CTNNA2: variants seen among roughly 807,000 people sequenced by gnomAD.
CTNNA2 encodes catenin alpha-2.
Under a neutral mutation model 101.0 loss-of-function variants are expected in CTNNA2, and 42 were observed. The ratio of observed to expected loss-of-function variants is 0.42; its 90% CI spans 0.32 to 0.54. The LOEUF (loss-of-function observed/expected upper bound fraction) is 0.54. Ranked by LOEUF, CTNNA2 falls within the 20% of genes least tolerant of loss-of-function variation. CTNNA2 has a pLI of 0.14. For synonymous variants in CTNNA2, 450 were observed against 456.4 expected, an observed-to-expected ratio of 0.99 and a Z score of 0.18; for missense variants, 871 against 1,223.1, an observed-to-expected ratio of 0.71 and a Z score of 4.29.
At chr2:79,443,353 T>C (rs1678797054) in intron 4 of CTNNA2, among the ~76,000 whole-genome samples, 1 of 152,078 alleles carries the variant, frequency 6.6e-6, no homozygotes, top group African/African-American at 2.4e-5. Context: ...CAGGAGAGGA[T>C]GAATGTCCCA....
At position 80,536,299 on chromosome 2, in the gene CTNNA2, G is replaced by C. The variant is rs1409584877; in HGVS notation, c.1291-8683G>C. ...TGAAATCTGTGCCACCATCCTCTCT[G>C]TGGTTTTATATGGCCACATGACTGA... On this transcript the variant is annotated intron_variant, in intron 9 of 18. Coordinates refer to ENST00000402739, the MANE Select transcript of CTNNA2 (RefSeq NM_001282597.3). 3.3e-5 allele frequency among the ~76,000 whole-genome samples: 5 copies of C among 152,064 alleles called. 1 individual carries two copies. In the East Asian group the frequency reaches 9.6e-4, roughly 29 times the overall value.
At chr2:79,460,644 C>T (rs2104535173) in intron 4 of CTNNA2, among the ~76,000 whole-genome samples, 1 of 152,266 alleles carries the variant, frequency 6.6e-6, no homozygotes, top group East Asian at 1.9e-4. Flanking sequence ...CCATTCTCTA[C>T]TCTCCTTATG....
At chr2:79,828,718 A>G (rs561648311) in intron 3 of CTNNA2, among the ~76,000 whole-genome samples, 7 of 152,332 alleles carry the variant, frequency 4.6e-5, no homozygotes, top group East Asian at 1.9e-4. Context: ...ATTATCTGCC[A>G]CATATTAGCT....
At chr2:79,530,624 G>A (rs999923607) in intron 1 of CTNNA2, among the ~76,000 whole-genome samples, 3 of 152,258 alleles carry the variant, frequency 2.0e-5, no homozygotes, top group African/African-American at 7.2e-5. Flanking sequence ...TAGAGAGGCC[G>A]CTAGAGGCCA....
intron 7 of CTNNA2, among the ~76,000 whole-genome samples, chr2:80,334,440 C>T (rs1049890285): frequency 3.3e-5 from 5 of 152,170 alleles, no homozygotes; most frequent in African/African-American, 1.2e-4. Context: ...CTTACAGTTT[C>T]TGTAGGGTGA....
intron 7 of CTNNA2, among the ~76,000 whole-genome samples, chr2:80,297,669 A>G (rs1046416068): frequency 1.3e-5 from 2 of 152,100 alleles, no homozygotes; most frequent in Admixed American, 1.3e-4. Context: ...ACTTTAATGG[A>G]AAAATACTGA....
At chr2:80,589,521 A>T (rs762771536) in intron 15 of CTNNA2, 36 bp downstream of exon 15, 1 of 1,598,990 alleles carries the variant, frequency 6.3e-7, no homozygotes, top group South Asian at 1.1e-5. Flanking sequence ...AGATTTTTTC[A>T]TTAAACCCAG....
At chr2:79,762,078 T>C (rs1432110700) in intron 3 of CTNNA2, among the ~76,000 whole-genome samples, 1 of 152,206 alleles carries the variant, frequency 6.6e-6, no homozygotes, top group Non-Finnish European at 1.5e-5. Flanking sequence ...TGTGTTTCTC[T>C]GAGCAAGCCT....
chr2:79,234,886 G>C (rs904998762), intron 2 of CTNNA2, among the ~76,000 whole-genome samples: 1 of 152,122 alleles, frequency 6.6e-6, no homozygotes, highest in African/African-American at 2.4e-5. Flanking sequence ...AGAAGTTCAG[G>C]TTGGTTCTTT....
At chr2:80,337,865 C>A (rs1253101748) in intron 7 of CTNNA2, among the ~76,000 whole-genome samples, 5 of 152,188 alleles carry the variant, frequency 3.3e-5, no homozygotes, top group Non-Finnish European at 1.5e-5. Context: ...TTGACCCCAC[C>A]ATGGGAAGTG....
intron 7 of CTNNA2, among the ~76,000 whole-genome samples, chr2:80,056,452 T>C (rs1228535897): frequency 6.6e-6 from 1 of 152,228 alleles, no homozygotes; most frequent in African/African-American, 2.4e-5. Context: ...AGTCTTTGCA[T>C]GGACTGTGTC....
chr2:79,420,247 A>T (rs1239093906), intron 4 of CTNNA2, among the ~76,000 whole-genome samples: 1 of 152,194 alleles, frequency 6.6e-6, no homozygotes, highest in African/African-American at 2.4e-5. Context: ...CTGCTTCTGT[A>T]GTCTCCAGCA....
chr2:79,573,286 A>G (rs1675575792), intron 1 of CTNNA2, among the ~76,000 whole-genome samples: 1 of 152,210 alleles, frequency 6.6e-6, no homozygotes, highest in Non-Finnish European at 1.5e-5. Flanking sequence ...AACGATAGGC[A>G]ACAAGTGTCA....
At chr2:79,242,555 A>G (rs1236862238) in intron 2 of CTNNA2, among the ~76,000 whole-genome samples, 1 of 152,178 alleles carries the variant, frequency 6.6e-6, no homozygotes, top group East Asian at 1.9e-4. Context: ...ATCTCTTGCA[A>G]ACAAGTCATT....
Position 79,324,366 on chromosome 2 carries a change from G to T in CTNNA2, c.-318+11570G>T, listed in dbSNP as rs1259221019. ...CTGGGGCATAAGTGCTGTCCTAGTT[G>T]TCTGGTACCAGGCTCCAGGGCATGG... On this transcript the variant is annotated intron_variant, in intron 3 of 21. Transcript: ENST00000466387. 2.0e-5 allele frequency among the ~76,000 whole-genome samples: 3 copies of T among 152,184 alleles called. No individual in the cohort carries two copies. The East Asian group carries it at 5.8e-4, about 30-fold the overall frequency.
At chr2:79,286,104 T>C (rs1420446524) in intron 2 of CTNNA2, among the ~76,000 whole-genome samples, 1 of 151,988 alleles carries the variant, frequency 6.6e-6, no homozygotes, top group Non-Finnish European at 1.5e-5. Context: ...TTCCATTTGC[T>C]TGGTAGATCT....
At chr2:79,682,511 C>G (rs1262740203) in intron 2 of CTNNA2, among the ~76,000 whole-genome samples, 1 of 151,602 alleles carries the variant, frequency 6.6e-6, no homozygotes, top group Non-Finnish European at 1.5e-5. Flanking sequence ...GATATATAGC[C>G]TGAACAAAAG....
chr2:79,536,573 A>T (rs1433786880), intron 1 of CTNNA2, among the ~76,000 whole-genome samples: 25 of 34,170 alleles, frequency 7.3e-4, no homozygotes, highest in Non-Finnish European at 2.8e-4. Context: ...ATCTCTAAAG[A>T]AGTGTGTGTG....
intron 3 of CTNNA2, among the ~76,000 whole-genome samples, chr2:79,341,025 CAT>C (rs144887817): frequency 2.0e-4 from 30 of 150,902 alleles, no homozygotes; most frequent in African/African-American, 3.6e-4. Context: ...TTAAACGCTA[CAT>C]ATATATATAT....
Sources: allele counts gnomAD v4.1 joint callset (sites outside exome capture counted in the v4.1 genomes callset), GRCh38; gene constraint gnomAD v4.1.1; transcripts MANE v1.5; gene names NCBI Gene and HGNC (gene_info 2026-07-23, HGNC 2026-07-21).